Variants in ITGBL1 observed in about 807,000 individuals in gnomAD.
ITGBL1 encodes the protein integrin beta-like protein 1.
Under a neutral mutation model 68.5 loss-of-function variants are expected in ITGBL1, and 51 were observed. That is an observed-to-expected ratio of 0.74 (90% confidence interval 0.59 to 0.94). The LOEUF (loss-of-function observed/expected upper bound fraction) is 0.94. Among genes scored for constraint, ITGBL1 ranks in the 40% least tolerant of loss-of-function variants. The pLI, the probability that ITGBL1 is intolerant of heterozygous loss-of-function variation, is 0.00. For synonymous variants in ITGBL1, 209 were observed against 227.3 expected (o/e 0.92, Z 0.72); for missense variants, 649 against 647.4 (o/e 1.00, Z -0.03).
chr13:101,668,231 T>A (rs1411389688), intron 7 of ITGBL1, among the ~76,000 whole-genome samples: 1 of 151,956 alleles, frequency 6.6e-6, no homozygotes, highest in Non-Finnish European at 1.5e-5. Flanking sequence ...CTACTAAAAA[T>A]ACAAAAATTA....
chr13:101,547,218 G>C (rs998195611), intron 2 of ITGBL1, among the ~76,000 whole-genome samples: 1 of 151,602 alleles, frequency 6.6e-6, no homozygotes, highest in African/African-American at 2.4e-5. Flanking sequence ...TTTGTTTTGT[G>C]TATGCCTATA....
downstream of ITGBL1, chr13:101,720,267 T>TAAC (rs1046965593): frequency 1.3e-5 from 2 of 152,104 alleles, no homozygotes; most frequent in African/African-American, 2.4e-5. Context: ...GTAAATGACC[T>TAAC]AACTCAATTA....
At chr13:101,597,876 A>G (rs2030082724) in intron 6 of ITGBL1, among the ~76,000 whole-genome samples, 1 of 152,102 alleles carries the variant, frequency 6.6e-6, no homozygotes, top group South Asian at 2.1e-4. Context: ...AGGCCCCAGC[A>G]AACCAATACA....
intron 7 of ITGBL1, among the ~76,000 whole-genome samples, chr13:101,611,257 T>C (rs972508704): frequency 3.3e-5 from 5 of 152,206 alleles, no homozygotes; most frequent in Non-Finnish European, 5.9e-5. Context: ...TTCATGCCCA[T>C]CCATTGGGTC....
chr13:101,694,310 A>ATATG (rs1365558901), intron 8 of ITGBL1, among the ~76,000 whole-genome samples: 4 of 152,184 alleles, frequency 2.6e-5, no homozygotes, highest in South Asian at 4.1e-4. Flanking sequence ...TATCATAGCA[A>ATATG]TATGTATGTA....
At chr13:101,661,749 C>T (rs1008697451) in intron 7 of ITGBL1, among the ~76,000 whole-genome samples, 8 of 151,562 alleles carry the variant, frequency 5.3e-5, no homozygotes, top group Non-Finnish European at 8.8e-5. Context: ...TATTTTTTTT[C>T]AAAAGTAAAA....
intron 2 of ITGBL1, among the ~76,000 whole-genome samples, chr13:101,498,024 T>A (rs1297219387): frequency 6.6e-6 from 1 of 152,186 alleles, no homozygotes; most frequent in African/African-American, 2.4e-5. Flanking sequence ...TGGTTCTGTG[T>A]TGGGATTTCA....
chr13:101,515,266 A>G (rs1236364621), intron 2 of ITGBL1, among the ~76,000 whole-genome samples: 2 of 152,100 alleles, frequency 1.3e-5, no homozygotes, highest in African/African-American at 4.8e-5. Flanking sequence ...AACTGATTCT[A>G]GTCATAGGAG....
rs200007367 is a variant in ITGBL1, at chr13:101,575,427, C to T, written c.467C>T (p.Thr156Ile). 5.6e-6 allele frequency: 9 copies of T among 1,612,306 alleles called. No homozygotes were observed. The highest frequency in any genetic ancestry group is 1.3e-5 in the African/African-American group (1 of 74,790). Residue 156 changes from threonine (T) to isoleucine (I), a missense_variant, in exon 4 of 11, where the codon ACA becomes ATA. By Grantham distance (89) the Thr-to-Ile change is moderately conservative (BLOSUM62 -1). Coordinates refer to ENST00000376180, the MANE Select transcript of ITGBL1 (RefSeq NM_004791.3). Reference protein sequence around the residue: ...SQDIICSNAGTCHCGRCKCDN... With the variant: ...SQDIICSNAGICHCGRCKCDN... ...CTTTTTTGTTTTCATGGTTTAGGTA[C>T]ATGTCACTGTGGCAGGTGTAAGTGT...
intron 2 of ITGBL1, among the ~76,000 whole-genome samples, chr13:101,549,981 A>G (rs2049894525): frequency 6.6e-6 from 1 of 152,224 alleles, no homozygotes; most frequent in African/African-American, 2.4e-5. Flanking sequence ...AATATTTATG[A>G]TGATATAATT....
intron 7 of ITGBL1, among the ~76,000 whole-genome samples, chr13:101,687,651 A>T (rs2033785460): frequency 6.6e-6 from 1 of 152,112 alleles, no homozygotes; most frequent in African/African-American, 2.4e-5. Context: ...GCAGTTCTTT[A>T]TGAAATGATA....
intron 2 of ITGBL1, among the ~76,000 whole-genome samples, chr13:101,459,368 T>C (rs979240924): frequency 2.0e-5 from 3 of 152,238 alleles, no homozygotes; most frequent in Non-Finnish European, 4.4e-5. Flanking sequence ...CTGTGTGACA[T>C]TGAGCATGAT....
At chr13:101,505,535 A>G (rs2049013709) in intron 2 of ITGBL1, among the ~76,000 whole-genome samples, 1 of 152,186 alleles carries the variant, frequency 6.6e-6, no homozygotes, top group African/African-American at 2.4e-5. Flanking sequence ...TCATTATCTT[A>G]TTCAATCTGT....
At chr13:101,494,923 C>T (rs1020055728) in intron 2 of ITGBL1, among the ~76,000 whole-genome samples, 1 of 152,130 alleles carries the variant, frequency 6.6e-6, no homozygotes, top group African/African-American at 2.4e-5. Flanking sequence ...CTACAACACA[C>T]CATGATTACA....
chr13:101,687,209 T>C (rs558561947), intron 7 of ITGBL1, among the ~76,000 whole-genome samples: 62 of 152,132 alleles, frequency 4.1e-4, no homozygotes, highest in African/African-American at 1.4e-3. Flanking sequence ...TATTTAACAG[T>C]GTACTCCCAT....
rs1258052581 is a variant in ITGBL1 at position 101,695,501 on chromosome 13, A to G, written c.1132+2800A>G. ...GGAAGGGCTTAAACAGAGCTTAAAC[A>G]TGATCACAGTGTTTTAAAAAGTACT... On this transcript the variant is annotated intron_variant, in intron 8 of 10. Transcript: ENST00000376180. 2.0e-5 allele frequency among the ~76,000 whole-genome samples: 3 copies of G among 152,364 alleles called. No homozygotes were observed. In the East Asian group the frequency reaches 5.8e-4, roughly 29 times the overall value.
chr13:101,690,342 G>A (rs1322526071), intron 7 of ITGBL1, among the ~76,000 whole-genome samples: 1 of 152,112 alleles, frequency 6.6e-6, no homozygotes, highest in Admixed American at 6.5e-5. Context: ...AGCCAATGAG[G>A]CACATTCAGG....
At chr13:101,531,944 C>A (rs914581552) in intron 2 of ITGBL1, among the ~76,000 whole-genome samples, 41 of 151,720 alleles carry the variant, frequency 2.7e-4, no homozygotes, top group Non-Finnish European at 4.3e-4. Flanking sequence ...CCGTGTTAGC[C>A]AGGATGGTCT....
At position 101,586,988 on chromosome 13, in the gene ITGBL1, C is replaced by G. The variant is rs116104084; in HGVS notation, c.868+3632C>G. On this transcript the variant is annotated intron_variant, in intron 6 of 10. Coordinates refer to ENST00000376180, the MANE Select transcript of ITGBL1 (RefSeq NM_004791.3). ...AGTAACCCAATGACATCAATATTCT[C>G]TAGTCTTTCATGCAAGACTAGAACA... Among the ~76,000 whole-genome samples, 1,367 of 152,196 alleles carry G rather than the reference C, an allele frequency of 9.0e-3. 20 individuals carry two copies. Among genetic ancestry groups the G allele is most frequent in the African/African-American group, 0.031 (1,291 of 41,518 alleles).
Sources: allele counts gnomAD v4.1 joint callset (sites outside exome capture counted in the v4.1 genomes callset), GRCh38; gene constraint gnomAD v4.1.1; transcripts MANE v1.5; gene names NCBI Gene and HGNC (gene_info 2026-07-23, HGNC 2026-07-21).